TMEM266: variants seen among roughly 807,000 people sequenced by gnomAD.
The protein encoded by TMEM266 is transmembrane protein 266.
TMEM266 carries 33 observed loss-of-function variants against 50.5 expected under a neutral mutation model. That is an observed-to-expected ratio of 0.65 (90% CI 0.50 to 0.87). TMEM266 has a LOEUF of 0.87. TMEM266 is among the 40% of genes least tolerant of loss of function. The pLI, the probability that TMEM266 is intolerant of heterozygous loss-of-function variation, is 0.00. For missense variants in TMEM266, 655 were observed against 695.1 expected (o/e 0.94, Z 0.65); for synonymous variants, 310 against 292.3 (o/e 1.06, Z -0.62).
intron 9 of TMEM266, among the ~76,000 whole-genome samples, chr15:76,193,677 TC>T (rs1270384941): frequency 1.3e-5 from 2 of 152,090 alleles, no homozygotes; most frequent in African/African-American, 4.8e-5. Context: ...GCTTCATACC[TC>T]CCTGGGGAAC....
intron 1 of TMEM266, among the ~76,000 whole-genome samples, chr15:76,091,763 A>G (rs966205689): frequency 2.0e-5 from 3 of 151,908 alleles, no homozygotes; most frequent in Non-Finnish European, 4.4e-5. Context: ...CTGAGGCGGG[A>G]GGATCACTTG....
chr15:76,082,138 G>T (rs918694339), intron 1 of TMEM266, among the ~76,000 whole-genome samples: 1 of 152,134 alleles, frequency 6.6e-6, no homozygotes, highest in Non-Finnish European at 1.5e-5. Flanking sequence ...CAACCCTGTA[G>T]CCTGCTCAAA....
chr15:76,152,277 C>T (rs1400577215), intron 3 of TMEM266, among the ~76,000 whole-genome samples: 1 of 152,198 alleles, frequency 6.6e-6, no homozygotes, highest in Non-Finnish European at 1.5e-5. Context: ...GAGACCTGCA[C>T]GAACTCACTC....
intron 1 of TMEM266, among the ~76,000 whole-genome samples, chr15:76,066,228 C>G (rs773348247): frequency 1.1e-4 from 17 of 152,116 alleles, no homozygotes; most frequent in Non-Finnish European, 2.1e-4. Flanking sequence ...AAATTGAAAC[C>G]TGTATTGATC....
chr15:76,073,089 A>G (rs2036559868), intron 1 of TMEM266, among the ~76,000 whole-genome samples: 1 of 147,752 alleles, frequency 6.8e-6, no homozygotes, highest in Non-Finnish European at 1.5e-5. Flanking sequence ...GTGTCACCAC[A>G]CCCAGCTAAT....
intron 8 of TMEM266, among the ~76,000 whole-genome samples, chr15:76,186,223 ACAGGAG>A (rs2038488411): frequency 6.6e-6 from 1 of 152,028 alleles, no homozygotes; most frequent in Admixed American, 6.6e-5. Context: ...CCCTCCCAGC[ACAGGAG>A]GCTCCTTCCC....
chr15:76,193,230 G>A (rs2038608355), intron 9 of TMEM266, among the ~76,000 whole-genome samples: 1 of 127,018 alleles, frequency 7.9e-6, no homozygotes, highest in Non-Finnish European at 1.7e-5. Context: ...TTTGGGAAAC[G>A]AATGGTTGCT....
chr15:76,073,709 C>G (rs561067490), intron 1 of TMEM266, among the ~76,000 whole-genome samples: 11 of 152,384 alleles, frequency 7.2e-5, no homozygotes, highest in Admixed American at 2.0e-4. Flanking sequence ...TAATTATACA[C>G]TGTAGGCAGC....
chr15:76,080,947 C>CTG (rs2036683643), intron 1 of TMEM266, among the ~76,000 whole-genome samples: 1 of 150,798 alleles, frequency 6.6e-6, no homozygotes, highest in Non-Finnish European at 1.5e-5. Flanking sequence ...GATGAGGTCT[C>CTG]ATTATGTTGC....
chr15:76,169,017 T>A (rs1340995021), intron 5 of TMEM266, among the ~76,000 whole-genome samples: 3 of 152,072 alleles, frequency 2.0e-5, no homozygotes, highest in Non-Finnish European at 4.4e-5. Flanking sequence ...ACACATTAAG[T>A]GGATAGGTAA....
In TMEM266 at chr15:76,192,119, C is replaced by A. The variant is rs760576380; in HGVS notation, c.920C>A (p.Ala307Glu). The A allele has an allele frequency of 2.1e-6, 3 of 1,412,162 alleles. No homozygotes were observed. Among genetic ancestry groups the A allele is most frequent in the Non-Finnish European group, 2.8e-6 (3 of 1,084,336 alleles). The allele number at this position is 1,412,162 out of a possible 1,614,324, so 87.5% of individuals were successfully genotyped here. ...GCCGGCACGTGGGACGAGGAGACGG[C>A]GGCCGAGAGCGTCGTGGAGGAGCTG... is the stretch of plus-strand genomic sequence containing the variant. Residue 307 changes from alanine (A) to glutamate (E), a missense_variant, in exon 9 of 11, where the codon GCG becomes GAG. By Grantham distance (107) the Ala-to-Glu change is moderately radical. Coordinates refer to ENST00000388942, the MANE Select transcript of TMEM266 (RefSeq NM_152335.3).
chr15:76,133,448 TAAATA>T (rs1198640783), intron 1 of TMEM266, among the ~76,000 whole-genome samples: 2 of 151,854 alleles, frequency 1.3e-5, no homozygotes, highest in African/African-American at 4.8e-5. Flanking sequence ...AAAAAATAAA[TAAATA>T]AAATAAATAA....
intron 7 of TMEM266, 56 bp downstream of exon 7, chr15:76,171,187 C>A: frequency 6.3e-7 from 1 of 1,595,364 alleles, no homozygotes; most frequent in Non-Finnish European, 8.6e-7. Flanking sequence ...GTGGGGCTTT[C>A]AACTGAGAGG....
At chr15:76,154,895 G>A (rs571124502) in intron 3 of TMEM266, among the ~76,000 whole-genome samples, 178 of 152,362 alleles carry the variant, frequency 1.2e-3, no homozygotes, top group African/African-American at 4.2e-3. Flanking sequence ...TGAGGAAGAA[G>A]TCTCCTTGAA....
At chr15:76,179,668 G>T (rs1401122697) in intron 8 of TMEM266, among the ~76,000 whole-genome samples, 1 of 152,196 alleles carries the variant, frequency 6.6e-6, no homozygotes, top group Non-Finnish European at 1.5e-5. Context: ...AGTATTCCTT[G>T]TGACAAACTC....
chr15:76,184,203 T>C (rs1006036946), intron 8 of TMEM266, among the ~76,000 whole-genome samples: 13 of 152,172 alleles, frequency 8.5e-5, no homozygotes, highest in Non-Finnish European at 1.9e-4. Flanking sequence ...CTCAGCACAA[T>C]AGCCTTTGTT....
rs1306408484 is a variant in TMEM266, at chr15:76,171,095, A to T, written c.616A>T (p.Met206Leu). The T allele has an allele frequency of 7.4e-6, 12 of 1,613,572 alleles. No homozygotes were observed. The highest frequency in any genetic ancestry group is 1.0e-5 in the Non-Finnish European group (12 of 1,179,854). ...CTGGGACGCCATCAGCCTCATCATC[A>T]TGCTCCGGATCTGGAGGGTGAAGAG... Residue 206 changes from methionine (M) to leucine (L), a missense_variant, in exon 7 of 11, where the codon ATG becomes TTG. Transcript: ENST00000388942.
chr15:76,175,390 G>T (rs898123969), intron 7 of TMEM266, 169 bp from the exon 8 acceptor site: 3 of 592,528 alleles, frequency 5.1e-6, no homozygotes, highest in African/African-American at 1.9e-5. Context: ...GAAGGCTGTG[G>T]CCCTCTGTAC....
chr15:76,101,543 C>T (rs150635685), intron 1 of TMEM266, among the ~76,000 whole-genome samples: 211 of 152,342 alleles, frequency 1.4e-3, no homozygotes, highest in Admixed American at 2.5e-3. Context: ...TTGGGAAGGT[C>T]ACCACTCTGG....
Sources: allele counts gnomAD v4.1 joint callset (sites outside exome capture counted in the v4.1 genomes callset), GRCh38; gene constraint gnomAD v4.1.1; transcripts MANE v1.5; gene names NCBI Gene and HGNC (gene_info 2026-07-23, HGNC 2026-07-21).